ZRANB3: variants seen among roughly 807,000 people sequenced by gnomAD.
ZRANB3 encodes the protein DNA annealing helicase and endonuclease ZRANB3.
A neutral mutation model predicts 133.8 loss-of-function variants in ZRANB3; 125 were observed. That is an observed-to-expected ratio of 0.93 (90% CI 0.81 to 1.08). The LOEUF is 1.08. Among genes scored for constraint, ZRANB3 ranks in the 50% least tolerant of loss-of-function variants. The probability of loss-of-function intolerance (pLI) is 0.00; values close to 1 mark genes in which losing one functional copy is unlikely to be tolerated. For missense variants in ZRANB3, 1,229 were observed against 1,275.5 expected (o/e 0.96, Z 0.56); for synonymous variants, 387 against 432.7 (o/e 0.89, Z 1.31).
At chr2:135,465,012 G>A (rs575987311) in intron 2 of ZRANB3, among the ~76,000 whole-genome samples, 12 of 152,238 alleles carry the variant, frequency 7.9e-5, no homozygotes, top group Admixed American at 2.0e-4. Context: ...AAAATGGGGC[G>A]GTAGAAGGCA....
chr2:135,510,450 C>T (rs962595436), intron 1 of ZRANB3: 5 of 479,686 alleles, frequency 1.0e-5, no homozygotes, highest in Non-Finnish European at 1.9e-5. Context: ...TTATAACAAA[C>T]TGGGGTCATA....
At chr2:135,362,939 C>A (rs1037454336) in intron 3 of ZRANB3, among the ~76,000 whole-genome samples, 1 of 152,112 alleles carries the variant, frequency 6.6e-6, no homozygotes, top group Admixed American at 6.5e-5. Flanking sequence ...ACTGATAAAT[C>A]TGAGTAAAGG....
chr2:135,512,226 T>C (rs1559047586), intron 1 of ZRANB3, among the ~76,000 whole-genome samples: 1 of 152,126 alleles, frequency 6.6e-6, no homozygotes, highest in African/African-American at 2.4e-5. Context: ...AAGAAGGAAA[T>C]ACTTTCTATC....
At chr2:135,434,963 CT>C (rs1011564207) in intron 2 of ZRANB3, among the ~76,000 whole-genome samples, 9 of 146,990 alleles carry the variant, frequency 6.1e-5, no homozygotes, top group Non-Finnish European at 6.0e-5. Context: ...TCTTTTCTCT[CT>C]TTTTTTTTTA....
intron 6 of ZRANB3, among the ~76,000 whole-genome samples, chr2:135,337,045 C>T (rs6742244): frequency 0.26 from 40,175 of 151,902 alleles, 8,864 homozygotes; most frequent in African/African-American, 0.59. Flanking sequence ...AAAAAAGAAA[C>T]GTTTTACAAC....
At chr2:135,499,757 A>G (rs1559040073) in intron 2 of ZRANB3, among the ~76,000 whole-genome samples, 1 of 152,240 alleles carries the variant, frequency 6.6e-6, no homozygotes, top group Non-Finnish European at 1.5e-5. Flanking sequence ...TGTTGATACA[A>G]GTAAAGATTG....
chr2:135,479,802 A>G (rs556561761), intron 2 of ZRANB3, among the ~76,000 whole-genome samples: 1 of 152,324 alleles, frequency 6.6e-6, no homozygotes, highest in East Asian at 1.9e-4. Context: ...CTATTCTACA[A>G]ATCAAATTAA....
intron 2 of ZRANB3, among the ~76,000 whole-genome samples, chr2:135,495,815 A>G (rs1019590040): frequency 1.3e-5 from 2 of 152,306 alleles, no homozygotes; most frequent in Admixed American, 6.5e-5. Context: ...TTGAAAACAC[A>G]GGGGTATTCA....
intron 8 of ZRANB3, among the ~76,000 whole-genome samples, chr2:135,309,861 C>A (rs556026359): frequency 6.6e-6 from 1 of 152,100 alleles, no homozygotes; most frequent in Non-Finnish European, 1.5e-5. Flanking sequence ...TACAGAAAAG[C>A]GAAGGACCTA....
chr2:135,346,645 C>T (rs967298034), intron 5 of ZRANB3, among the ~76,000 whole-genome samples: 2 of 152,016 alleles, frequency 1.3e-5, no homozygotes, highest in African/African-American at 2.4e-5. Context: ...GATAATGTTA[C>T]CATGTTGCCC....
At chr2:135,500,004 A>G (rs1004762635) in intron 2 of ZRANB3, among the ~76,000 whole-genome samples, 2 of 152,186 alleles carry the variant, frequency 1.3e-5, no homozygotes, top group African/African-American at 4.8e-5. Context: ...CAGAGGGAAG[A>G]CAATGTGAAT....
intron 12 of ZRANB3, among the ~76,000 whole-genome samples, chr2:135,235,233 C>A (rs1166197184): frequency 6.6e-6 from 1 of 152,004 alleles, no homozygotes; most frequent in African/African-American, 2.4e-5. Flanking sequence ...CAAGACTGAA[C>A]CAGGAAGAAG....
At chr2:135,204,449 G>A (rs986949176) in intron 19 of ZRANB3, among the ~76,000 whole-genome samples, 1 of 151,518 alleles carries the variant, frequency 6.6e-6, no homozygotes, top group African/African-American at 2.4e-5. Context: ...CCAAGCAATT[G>A]TAAGGCAAAT....
intron 2 of ZRANB3, among the ~76,000 whole-genome samples, chr2:135,417,906 A>G (rs1386740642): frequency 1.3e-5 from 2 of 152,178 alleles, no homozygotes; most frequent in Non-Finnish European, 2.9e-5. Flanking sequence ...TGGGAATTGA[A>G]CAATGAGAAC....
intron 3 of ZRANB3, among the ~76,000 whole-genome samples, chr2:135,383,795 C>A (rs6710532): frequency 6.6e-6 from 1 of 151,916 alleles, no homozygotes; most frequent in Non-Finnish European, 1.5e-5. Flanking sequence ...TTGAAACCAA[C>A]GAGAACAAAG....
At chr2:135,383,886 C>T (rs1277846992) in intron 3 of ZRANB3, among the ~76,000 whole-genome samples, 1 of 151,936 alleles carries the variant, frequency 6.6e-6, no homozygotes, top group Non-Finnish European at 1.5e-5. Context: ...CCACAAGGGA[C>T]AGCAGGAAAG....
intron 3 of ZRANB3, among the ~76,000 whole-genome samples, chr2:135,364,128 A>AG (rs1182627348): frequency 6.6e-6 from 1 of 151,532 alleles, no homozygotes; most frequent in African/African-American, 2.4e-5. Flanking sequence ...GAAGAAGGGA[A>AG]GGAAGGAGGG....
chr2:135,366,894 G>C (rs1035792383), intron 3 of ZRANB3, among the ~76,000 whole-genome samples: 9 of 151,846 alleles, frequency 5.9e-5, no homozygotes, highest in African/African-American at 2.2e-4. Flanking sequence ...GGTGGCAGGC[G>C]CCTGTAGTCC....
Position 135,200,401 on chromosome 2 carries a change from T to G in ZRANB3, c.3181A>C (p.Arg1061=). Residue 1061 remains arginine (R), a synonymous_variant, in exon 21 of 21, where the codon AGA becomes CGA. Coordinates refer to ENST00000264159, the MANE Select transcript of ZRANB3 (RefSeq NM_032143.4). ...CCATGCTTTGATGCTAGAGATTGTC[T>G]TCTCACCTGGCTTCTTTCCTTAGCT... is the stretch of plus-strand genomic sequence containing the variant. ...RQAKERSQVR[R]QSLASKHGSD... is the part of the protein sequence containing the mutation. The G allele has an allele frequency of 6.2e-7, 1 of 1,608,114 alleles. No homozygotes were observed. Among genetic ancestry groups the G allele is most frequent in the Non-Finnish European group, 8.5e-7 (1 of 1,177,054 alleles).
Sources: allele counts gnomAD v4.1 joint callset (sites outside exome capture counted in the v4.1 genomes callset), GRCh38; gene constraint gnomAD v4.1.1; transcripts MANE v1.5; gene names NCBI Gene and HGNC (gene_info 2026-07-23, HGNC 2026-07-21).